Variants in MYRFL observed in about 807,000 individuals in gnomAD.
MYRFL encodes the protein myelin regulatory factor like.
Under a neutral mutation model 109.4 loss-of-function variants are expected in MYRFL, and 88 were observed. The ratio of observed to expected loss-of-function variants is 0.80; its 90% CI spans 0.68 to 0.96. MYRFL has a LOEUF of 0.96. MYRFL is among the 40% of genes least tolerant of loss of function. The pLI, the probability that MYRFL is intolerant of heterozygous loss-of-function variation, is 0.00. For missense variants in MYRFL, 957 were observed against 954.9 expected (o/e 1.00, Z -0.03); for synonymous variants, 324 against 320.9 (o/e 1.01, Z -0.10).
intron 19 of MYRFL, among the ~76,000 whole-genome samples, chr12:69,938,088 C>A (rs1955525541): frequency 6.6e-6 from 1 of 152,116 alleles, no homozygotes; most frequent in Admixed American, 6.5e-5. Flanking sequence ...AACTTAGGAG[C>A]AGATGCATCA....
chr12:69,856,000 A>T (rs1219435794), intron 2 of MYRFL, among the ~76,000 whole-genome samples: 1 of 152,038 alleles, frequency 6.6e-6, no homozygotes, highest in Non-Finnish European at 1.5e-5. Context: ...CTGAGTTTTG[A>T]CAAGTTCATA....
intron 1 of MYRFL, among the ~76,000 whole-genome samples, chr12:69,850,911 T>A (rs985047366): frequency 3.9e-5 from 6 of 152,118 alleles, no homozygotes; most frequent in African/African-American, 1.4e-4. Context: ...TACCCTCAAC[T>A]TTTTCATTTT....
intron 19 of MYRFL, among the ~76,000 whole-genome samples, chr12:69,940,115 T>TG (rs1419241294): frequency 6.6e-6 from 1 of 151,890 alleles, no homozygotes; most frequent in African/African-American, 2.4e-5. Flanking sequence ...GGAACCAAGT[T>TG]GGAAAACACT....
Position 69,947,820 on chromosome 12 carries a change from G to T in MYRFL, c.2225-4293G>T, listed in dbSNP as rs576946985. On this transcript the variant is annotated intron_variant, in intron 19 of 24. Transcript: ENST00000552032. ...CTTCATAGTGCATGAGTCTGGTTCAGTGAAGGGAAGAGAAATGTATCCAAG... is the reference window on the plus strand; with the variant it reads ...CTTCATAGTGCATGAGTCTGGTTCATTGAAGGGAAGAGAAATGTATCCAAG... Among the ~76,000 whole-genome samples the T allele has an allele frequency of 6.4e-4, 98 of 152,264 alleles. 1 individual carries two copies. The highest frequency in any genetic ancestry group is 1.9e-3 in the East Asian group (10 of 5,176).
At position 69,855,361 on chromosome 12, in the gene MYRFL, T is replaced by G; in HGVS notation, c.128T>G (p.Leu43Trp). Reference sequence around the variant, plus strand: ...GAATTTCTGGGCAATGACTTTGATTTGGGGGCCTTGTAAGTAATGAGAGCA... The same window carrying G: ...GAATTTCTGGGCAATGACTTTGATTGGGGGGCCTTGTAAGTAATGAGAGCA... ...LEEFLGNDFDLGALQRQLPDT... is the reference protein window; with the variant it reads ...LEEFLGNDFDWGALQRQLPDT... Residue 43 changes from leucine (L) to tryptophan (W), a missense_variant, in exon 2 of 25, where the codon TTG (leucine) becomes TGG (tryptophan). Coordinates refer to ENST00000552032, the MANE Select transcript of MYRFL (RefSeq NM_182530.3). 1.4e-6 allele frequency: 1 copy of G among 702,738 alleles called. No homozygotes were observed. The allele number at this position is 702,738 out of a possible 1,614,324, so 43.5% of individuals were successfully genotyped here.
chr12:69,899,168 A>C (rs971138915), intron 10 of MYRFL, among the ~76,000 whole-genome samples: 4 of 152,206 alleles, frequency 2.6e-5, no homozygotes, highest in Admixed American at 6.5e-5. Flanking sequence ...ATAACACAAA[A>C]GTTACCCTAA....
intron 2 of MYRFL, among the ~76,000 whole-genome samples, chr12:69,878,429 A>G (rs1280397839): frequency 6.6e-6 from 1 of 152,084 alleles, no homozygotes; most frequent in Non-Finnish European, 1.5e-5. Context: ...GTTAGCTCAA[A>G]CAGTATGTAC....
chr12:69,909,982 A>C lies in MYRFL; in HGVS notation c.1397A>C (p.Glu466Ala). The change falls in exon 12 of 25, where the codon GAA (glutamate) becomes GCA (alanine). Residue 466 changes from glutamate (E) to alanine (A), a missense_variant. Coordinates refer to ENST00000552032, the MANE Select transcript of MYRFL (RefSeq NM_182530.3). ...KQNIQEVDTNEQLKRIAQMRI... is the reference protein window; with the variant it reads ...KQNIQEVDTNAQLKRIAQMRI... ...TAATTAAATTAGGTTGACACGAATG[A>C]ACAGCTGAAAAGAATAGCCCAAATG... 6.5e-7 allele frequency: 1 copy of C among 1,527,240 alleles called. No homozygotes were observed. The highest frequency in any genetic ancestry group is 8.7e-7 in the Non-Finnish European group (1 of 1,144,540). 94.6% of individuals were successfully genotyped at this position (1,527,240 alleles called of 1,614,324 possible). A position where few individuals can be genotyped will look rare whatever the true frequency, so the allele number is the denominator to read the frequency against.
At chr12:69,913,573 T>C (rs1257184231) in intron 13 of MYRFL, among the ~76,000 whole-genome samples, 1 of 152,222 alleles carries the variant, frequency 6.6e-6, no homozygotes, top group Non-Finnish European at 1.5e-5. Flanking sequence ...CATTGAATGG[T>C]CTTGGCATCC....
chr12:69,849,906 A>AAGGCC (rs1592698484), intron 1 of MYRFL, among the ~76,000 whole-genome samples: 1 of 152,174 alleles, frequency 6.6e-6, no homozygotes, highest in East Asian at 1.9e-4. Context: ...CTACAGATAG[A>AAGGCC]AGGATATGTG....
Position 69,903,758 on chromosome 12 carries a change from G to A in MYRFL, c.1297G>A (p.Glu433Lys), listed in dbSNP as rs1954264881. ...RVGINTDAPDEALVVCGNMKV... is the reference protein window; with the variant it reads ...RVGINTDAPDKALVVCGNMKV... ...AGGAATCAACACAGATGCGCCGGAC[G>A]AAGCCCTGGTTGTCTGTGGCAACAT... is the stretch of plus-strand genomic sequence containing the variant. Residue 433 changes from glutamate (E) to lysine (K), a missense_variant, in exon 11 of 25, where the codon GAA (glutamate) becomes AAA (lysine). Physicochemically the swap from Glu to Lys is moderately conservative, Grantham distance 56 (BLOSUM62 1). Coordinates refer to ENST00000552032, the MANE Select transcript of MYRFL (RefSeq NM_182530.3). 2 of 1,535,752 alleles carry A rather than the reference G, an allele frequency of 1.3e-6. No homozygotes were observed. The highest frequency in any genetic ancestry group is 1.4e-5 in the African/African-American group (1 of 73,152).
At chr12:69,887,435 G>T (rs1298672608) in intron 6 of MYRFL, among the ~76,000 whole-genome samples, 1 of 152,148 alleles carries the variant, frequency 6.6e-6, no homozygotes, top group Non-Finnish European at 1.5e-5. Flanking sequence ...AGCAATCGTG[G>T]TAGATGGTTT....
At chr12:69,843,252 A>T (rs1250520947) in intron 1 of MYRFL, among the ~76,000 whole-genome samples, 1 of 152,058 alleles carries the variant, frequency 6.6e-6, no homozygotes, top group East Asian at 1.9e-4. Flanking sequence ...CCAGTTTTTC[A>T]TGAACACTGG....
intron 2 of MYRFL, among the ~76,000 whole-genome samples, chr12:69,878,055 C>T (rs1565989427): frequency 6.6e-6 from 1 of 151,964 alleles, no homozygotes; most frequent in Non-Finnish European, 1.5e-5. Context: ...CCAGCCTGGC[C>T]AACATGGTGA....
chr12:69,831,857 A>G (rs147254043), intron 1 of MYRFL, among the ~76,000 whole-genome samples: 1 of 152,292 alleles, frequency 6.6e-6, no homozygotes, highest in East Asian at 1.9e-4. Flanking sequence ...GTCAAAGTCA[A>G]AATAAAAATG....
At chr12:69,899,067 A>G (rs61928002) in intron 10 of MYRFL, among the ~76,000 whole-genome samples, 18,806 of 152,178 alleles carry the variant, frequency 0.12, 1,394 homozygotes, top group Non-Finnish European at 0.16. Flanking sequence ...CTAAATTTTT[A>G]TTTCAAAAAA....
chr12:69,845,048 G>A (rs1592691863), intron 1 of MYRFL, among the ~76,000 whole-genome samples: 1 of 152,144 alleles, frequency 6.6e-6, no homozygotes, highest in South Asian at 2.1e-4. Flanking sequence ...CACCTGGCAC[G>A]CTCTGCCCTT....
At chr12:69,906,538 G>A (rs1430035971) in intron 11 of MYRFL, among the ~76,000 whole-genome samples, 1 of 151,574 alleles carries the variant, frequency 6.6e-6, no homozygotes, top group Non-Finnish European at 1.5e-5. Context: ...CTGAAAAAAG[G>A]TAGCAAGATA....
At chr12:69,834,196 C>A (rs1379728397) in intron 1 of MYRFL, among the ~76,000 whole-genome samples, 1 of 152,078 alleles carries the variant, frequency 6.6e-6, no homozygotes, top group Non-Finnish European at 1.5e-5. Context: ...ACAAAAAGTC[C>A]AGCAAGATGG....
Sources: allele counts gnomAD v4.1 joint callset (sites outside exome capture counted in the v4.1 genomes callset), GRCh38; gene constraint gnomAD v4.1.1; transcripts MANE v1.5; gene names NCBI Gene and HGNC (gene_info 2026-07-23, HGNC 2026-07-21).